CNTNAP2: variants seen among roughly 807,000 people sequenced by gnomAD.
CNTNAP2 encodes contactin associated protein 2, also known as contactin-associated protein-like 2.
A neutral mutation model predicts 155.2 loss-of-function variants in CNTNAP2; 98 were observed. That is an observed-to-expected ratio of 0.63 (90% confidence interval 0.54 to 0.75). The LOEUF is 0.75. Ranked by LOEUF, CNTNAP2 falls within the 30% of genes least tolerant of loss-of-function variation. The probability of loss-of-function intolerance (pLI) is 0.00; values close to 1 mark genes in which losing one functional copy is unlikely to be tolerated. For missense variants in CNTNAP2, 1,727 were observed against 1,688.1 expected (o/e 1.02, Z -0.40); for synonymous variants, 651 against 631.2 (o/e 1.03, Z -0.47).
At chr7:146,609,477 A>G (rs914562582) in intron 1 of CNTNAP2, among the ~76,000 whole-genome samples, 1 of 152,134 alleles carries the variant, frequency 6.6e-6, no homozygotes, top group Non-Finnish European at 1.5e-5. Context: ...TGTGACTACT[A>G]ATTCACTATA....
intron 10 of CNTNAP2, among the ~76,000 whole-genome samples, chr7:147,402,387 C>T (rs557315285): frequency 6.6e-6 from 1 of 152,192 alleles, no homozygotes; most frequent in African/African-American, 2.4e-5. Context: ...ACTGTCATGA[C>T]AACTGCTCCT....
At chr7:146,893,277 C>T (rs1259741761) in intron 3 of CNTNAP2, among the ~76,000 whole-genome samples, 1 of 151,914 alleles carries the variant, frequency 6.6e-6, no homozygotes, top group Non-Finnish European at 1.5e-5. Context: ...ATACCTTTGA[C>T]AGATTCCTTC....
intron 21 of CNTNAP2, among the ~76,000 whole-genome samples, chr7:148,364,604 G>A (rs1798696087): frequency 6.6e-6 from 1 of 152,126 alleles, no homozygotes; most frequent in Non-Finnish European, 1.5e-5. Flanking sequence ...TGCTCTGGTG[G>A]GGCCTTGGAG....
intron 12 of CNTNAP2, among the ~76,000 whole-genome samples, chr7:147,610,107 C>T (rs1801153451): frequency 6.6e-6 from 1 of 152,042 alleles, no homozygotes; most frequent in African/African-American, 2.4e-5. Context: ...TTTAAATTTA[C>T]ATTATACATG....
intron 1 of CNTNAP2, among the ~76,000 whole-genome samples, chr7:146,533,848 A>G (rs1797807338): frequency 6.6e-6 from 1 of 152,118 alleles, no homozygotes; most frequent in South Asian, 2.1e-4. Context: ...TTTCAACCCA[A>G]GATTGCAAGC....
In CNTNAP2 at chr7:147,059,748, A is replaced by G. The variant is rs897833620; in HGVS notation, c.550+15694A>G. ...ATGCAAAACAGGTAATTATTCCCCC[A>G]TTTTGCAAATGACAAAACCGAAGTT... On this transcript the variant is annotated intron_variant, in intron 4 of 23. Coordinates refer to ENST00000361727, the MANE Select transcript of CNTNAP2 (RefSeq NM_014141.6). Among the ~76,000 whole-genome samples the G allele has an allele frequency of 2.0e-5, 3 of 152,098 alleles. No homozygotes were observed. The East Asian group carries it at 5.8e-4, about 29-fold the overall frequency.
At chr7:147,947,612 C>T (rs977056169) in intron 14 of CNTNAP2, among the ~76,000 whole-genome samples, 1 of 151,928 alleles carries the variant, frequency 6.6e-6, no homozygotes, top group African/African-American at 2.4e-5. Context: ...GCCTGGGTGA[C>T]AGAGAAAGAC....
intron 21 of CNTNAP2, among the ~76,000 whole-genome samples, chr7:148,302,075 ATTCC>A (rs1334730462): frequency 1.3e-5 from 2 of 152,198 alleles, no homozygotes; most frequent in African/African-American, 4.8e-5. Context: ...GACACATAAG[ATTCC>A]TGCTGCCAGG....
intron 13 of CNTNAP2, among the ~76,000 whole-genome samples, chr7:147,823,461 G>A (rs1345410121): frequency 1.3e-5 from 2 of 152,232 alleles, no homozygotes; most frequent in East Asian, 3.9e-4. Context: ...ATATCAGCAC[G>A]TTGAATTGAA....
Position 146,904,596 on chromosome 7 carries a change from T to G in CNTNAP2, c.402+64692T>G, listed in dbSNP as rs545957006. ...ACGCCATTCTCCTGCCTCAGCCTCCTGAGTAGCTGGGACTACAGGCACCCG... is the reference window on the plus strand; with the variant it reads ...ACGCCATTCTCCTGCCTCAGCCTCCGGAGTAGCTGGGACTACAGGCACCCG... On this transcript the variant is annotated intron_variant, in intron 3 of 23. Coordinates refer to ENST00000361727, the MANE Select transcript of CNTNAP2 (RefSeq NM_014141.6). Among the ~76,000 whole-genome samples the G allele has an allele frequency of 3.4e-3, 511 of 152,176 alleles. 4 individuals carry two copies. The highest frequency in any genetic ancestry group is 0.012 in the African/African-American group (489 of 41,522).
At chr7:146,475,124 C>CA (rs1248016293) in intron 1 of CNTNAP2, among the ~76,000 whole-genome samples, 4 of 151,880 alleles carry the variant, frequency 2.6e-5, no homozygotes, top group African/African-American at 2.4e-5. Context: ...GACTGGATGT[C>CA]AAAAAAAGCA....
Position 147,868,792 on chromosome 7 carries a change from G to A in CNTNAP2, c.2099-34773G>A, listed in dbSNP as rs189549794. Reference sequence around the variant, plus strand: ...ACCCTCCAAGCCAGGCATGGGAAAGGTTCTCCTTGTCTGCCGGTTGCTAAG... The same window carrying A: ...ACCCTCCAAGCCAGGCATGGGAAAGATTCTCCTTGTCTGCCGGTTGCTAAG... On this transcript the variant is annotated intron_variant, in intron 13 of 23. Coordinates refer to ENST00000361727, the MANE Select transcript of CNTNAP2 (RefSeq NM_014141.6). Among the ~76,000 whole-genome samples the A allele has an allele frequency of 5.5e-3, 843 of 152,362 alleles. 38 individuals are homozygous for A. The highest frequency in any genetic ancestry group is 0.049 in the Admixed American group (753 of 15,312).
chr7:146,284,220 T>G (rs2129085339), intron 1 of CNTNAP2, among the ~76,000 whole-genome samples: 1 of 152,282 alleles, frequency 6.6e-6, no homozygotes, highest in East Asian at 1.9e-4. Context: ...GAATGTAAAC[T>G]CAAAATTGTA....
At chr7:147,735,250 T>C (rs568838120) in intron 13 of CNTNAP2, among the ~76,000 whole-genome samples, 1 of 152,322 alleles carries the variant, frequency 6.6e-6, no homozygotes, top group Non-Finnish European at 1.5e-5. Context: ...TCAAAGAACA[T>C]CTTTATTTCT....
intron 12 of CNTNAP2, among the ~76,000 whole-genome samples, chr7:147,590,003 T>G (rs1184303662): frequency 6.6e-6 from 1 of 152,142 alleles, no homozygotes; most frequent in Non-Finnish European, 1.5e-5. Context: ...ATGGTTTCTT[T>G]GGCAGCTACT....
intron 18 of CNTNAP2, among the ~76,000 whole-genome samples, chr7:148,202,636 A>G (rs764370636): frequency 1.3e-5 from 2 of 152,234 alleles, no homozygotes; most frequent in African/African-American, 2.4e-5. Context: ...GGGAAAAAAT[A>G]TTAAAGTAAA....
At chr7:147,929,135 A>G in intron 14 of CNTNAP2, among the ~76,000 whole-genome samples, 1 of 139,726 alleles carries the variant, frequency 7.2e-6, no homozygotes, top group Non-Finnish European at 1.5e-5. Context: ...AAATCTTTAT[A>G]TGTGATCTGT....
chr7:147,347,441 C>CATATATATAT, intron 9 of CNTNAP2, among the ~76,000 whole-genome samples: 1 of 56,570 alleles, frequency 1.8e-5, no homozygotes, highest in African/African-American at 4.7e-5. Flanking sequence ...TATATATATG[C>CATATATATAT]ATATATATAT....
chr7:146,826,046 A>G (rs1270382096), intron 2 of CNTNAP2, among the ~76,000 whole-genome samples: 3 of 152,034 alleles, frequency 2.0e-5, no homozygotes, highest in African/African-American at 7.2e-5. Flanking sequence ...TTTTCCAGTG[A>G]TGTCTTTTAG....
Sources: gnomAD v4.1 joint callset for allele counts (sites outside exome capture counted in the v4.1 genomes callset) on GRCh38, gnomAD v4.1.1 for gene constraint, MANE v1.5 for transcripts, NCBI Gene and HGNC (gene_info 2026-07-23, HGNC 2026-07-21) for gene names.